The following TNNT1 variants were observed in gnomAD, a reference collection of about 807,000 sequenced individuals.
TNNT1 encodes the protein troponin T1, slow skeletal type.
TNNT1 carries 53 observed loss-of-function variants against 50.6 expected under a neutral mutation model. The observed-to-expected ratio is 1.05, with a 90% CI of 0.84 to 1.32. The LOEUF is 1.32. TNNT1 is among the 40% of genes most tolerant of loss of function. The pLI is 0.00. For missense variants in TNNT1, 348 were observed against 381.7 expected (o/e 0.91, Z 0.74); for synonymous variants, 142 against 138.0 (o/e 1.03, Z -0.20).
chr19:55,149,138 C>T (rs184146270), intron 1 of TNNT1, 23 bp downstream of exon 1: 2 of 456,180 alleles, frequency 4.4e-6, no homozygotes, highest in Non-Finnish European at 8.8e-6. Context: ...TTGAAGACCA[C>T]AGGGCTCCGC....
chr19:55,134,150 T>C lies in TNNT1; in HGVS notation c.666A>G (p.Lys222=). 6.2e-7 allele frequency: 1 copy of C among 1,605,514 alleles called. No individual in the cohort carries two copies. The highest frequency in any genetic ancestry group is 8.5e-7 in the Non-Finnish European group (1 of 1,176,596). ...PSQPSCPARE[K]AQELSDWIHQ... Reference sequence around the variant, plus strand: ...GGATCCAGTCCGACAGCTCCTGGGCTTTCTCCCTGGCAGGGCAGGAGGGCT... The same window carrying C: ...GGATCCAGTCCGACAGCTCCTGGGCCTTCTCCCTGGCAGGGCAGGAGGGCT... Residue 222 remains lysine, a synonymous_variant, in exon 12 of 14, where the codon AAA becomes AAG. Transcript: ENST00000588981.
chr19:55,136,205 T>C (rs1042859476), intron 11 of TNNT1, among the ~76,000 whole-genome samples: 3 of 152,144 alleles, frequency 2.0e-5, no homozygotes, highest in African/African-American at 4.8e-5. Context: ...AGGATAATAA[T>C]AGTATCTACC....
chr19:55,142,044 C>A (rs1350344594), intron 6 of TNNT1, 124 bp from the exon 7 acceptor site: 5 of 882,058 alleles, frequency 5.7e-6, no homozygotes, highest in Admixed American at 1.8e-5. Flanking sequence ...GTGGAGGGTC[C>A]CAGCTGAGGC....
At position 55,141,160 on chromosome 19, in the gene TNNT1, G is replaced by C. The variant is rs112398263; in HGVS notation, c.309+26C>G. ...GGATCCACATGGAGGGAGGAAGACC[G>C]GGGGGAACCCGGACTCTCGGCTCAC... On this transcript the variant is annotated intron_variant, in intron 8 of 13. Coordinates refer to ENST00000588981, the MANE Select transcript of TNNT1 (RefSeq NM_003283.6). 7.2e-4 allele frequency: 1,148 copies of C among 1,586,126 alleles called. 7 individuals are homozygous for C. In the African/African-American group the frequency reaches 0.014, roughly 19 times the overall value.
At chr19:55,142,245 C>G (rs969946382) in intron 6 of TNNT1, among the ~76,000 whole-genome samples, 1 of 151,434 alleles carries the variant, frequency 6.6e-6, no homozygotes, top group African/African-American at 2.4e-5. Context: ...CTCAGCCTCC[C>G]GAGTAGCTGG....
At chr19:55,141,369 C>T (rs1023588352) in intron 7 of TNNT1, 67 bp from the exon 8 acceptor site, 24 of 1,177,960 alleles carry the variant, frequency 2.0e-5, no homozygotes, top group African/African-American at 3.0e-5. Flanking sequence ...CAGCACCTCC[C>T]CCATGCAGGA....
At chr19:55,142,010 G>C (rs1266392175) in intron 6 of TNNT1, 90 bp from the exon 7 acceptor site, 8 of 1,337,386 alleles carry the variant, frequency 6.0e-6, no homozygotes, top group Non-Finnish European at 8.6e-6. Flanking sequence ...TGAGGTAGCC[G>C]CCAGCCCCGG....
chr19:55,146,448 G>A lies in TNNT1; in HGVS notation c.92C>T (p.Pro31Leu), dbSNP rs916754986. The change falls in exon 5 of 14, where the codon CCG becomes CTG. Residue 31 changes from proline to leucine, a missense_variant. Physicochemically the swap from Pro to Leu is moderately conservative, Grantham distance 98. Transcript: ENST00000588981. ...GCCGCGGTTACCTGGCTCTGCCACC[G>A]GCTCCGGCTCTTCGGGGGCTGGGGA... Reference protein sequence around the residue: ...EEEEAPEEPEPVAEPEEERPK... With the variant: ...EEEEAPEEPELVAEPEEERPK... The A allele has an allele frequency of 2.2e-6, 3 of 1,359,698 alleles. No homozygotes were observed. Among genetic ancestry groups the A allele is most frequent in the African/African-American group, 1.5e-5 (1 of 66,006 alleles). The allele number at this position is 1,359,698 out of a possible 1,614,324, so 84.2% of individuals were successfully genotyped here.
intron 5 of TNNT1, among the ~76,000 whole-genome samples, chr19:55,146,034 G>C (rs1243104251): frequency 7.2e-6 from 1 of 138,444 alleles, no homozygotes; most frequent in African/African-American, 2.7e-5. Context: ...GACTCCCAGC[G>C]CTCGCCTCCT....
chr19:55,146,630 T>TCCCCCCCCCC, intron 4 of TNNT1, 51 bp downstream of exon 4: 8 of 1,025,146 alleles, frequency 7.8e-6, no homozygotes, highest in Non-Finnish European at 9.7e-6. Context: ...GGGCCCAGCG[T>TCCCCCCCCCC]CCCCGCCCCC....
chr19:55,134,437 G>T (rs2085306198), intron 11 of TNNT1, among the ~76,000 whole-genome samples: 1 of 151,770 alleles, frequency 6.6e-6, no homozygotes, highest in African/African-American at 2.4e-5. Context: ...TGTAATCCCA[G>T]CACTTTGGGA....
chr19:55,140,858 C>A (rs755623324), intron 9 of TNNT1, 25 bp downstream of exon 9: 6 of 1,606,044 alleles, frequency 3.7e-6, no homozygotes. Context: ...AACATTTGGG[C>A]TCTCAGGGCA....
intron 9 of TNNT1, among the ~76,000 whole-genome samples, chr19:55,138,498 A>C (rs1470173131): frequency 6.6e-6 from 1 of 152,134 alleles, no homozygotes; most frequent in Non-Finnish European, 1.5e-5. Context: ...GGCTGGTCTC[A>C]AACTACTGAC....
rs890470817 is a variant in TNNT1, at chr19:55,133,904, G to A, written c.774C>T (p.Ile258=). The change falls in exon 13 of 14, where the codon ATC becomes ATT. Residue 258 remains isoleucine, a synonymous_variant. Transcript: ENST00000588981. The part of the protein sequence containing the change: ...KYEINVLYNR[I]SHAQKFRKGA... ...ACACTCACAACTTCTGGGCGTGGCTGATGCGGTTGTACAGCACGTTGATCT... is the reference window on the plus strand; with the variant it reads ...ACACTCACAACTTCTGGGCGTGGCTAATGCGGTTGTACAGCACGTTGATCT... 1.2e-6 allele frequency: 2 copies of A among 1,613,886 alleles called. No individual in the cohort carries two copies. The highest frequency in any genetic ancestry group is 2.2e-5 in the East Asian group (1 of 44,868).
rs748222508 is a variant in TNNT1 at position 55,134,200 on chromosome 19, G to C, written c.616C>G (p.Arg206Gly). 2.5e-6 allele frequency: 4 copies of C among 1,571,524 alleles called. No individual in the cohort carries two copies. The highest frequency in any genetic ancestry group is 3.5e-6 in the Non-Finnish European group (4 of 1,158,292). Residue 206 changes from arginine (R) to glycine (G), a missense_variant, in exon 12 of 14, where the codon CGG becomes GGG. This residue lies in a region of TNNT1 where 253 missense variants were observed against 291.8 expected (regional missense o/e 0.87). Transcript: ENST00000588981. ...DYMGEEQLRA[R>G]SAWLPPSQPS... ...TGTGATGGAGGCAGCCAGGCAGACC[G>C]GGCCCTAGGCCCAGGGACGGAGAGG...
chr19:55,146,296 G>A, intron 5 of TNNT1, 138 bp downstream of exon 5: 1 of 521,214 alleles, frequency 1.9e-6, no homozygotes, highest in Non-Finnish European at 3.1e-6. Flanking sequence ...GCTCTCAGGG[G>A]CTTAAAGGAC....
intron 7 of TNNT1, 35 bp downstream of exon 7, chr19:55,141,822 C>A: frequency 6.2e-7 from 1 of 1,612,072 alleles, no homozygotes. Flanking sequence ...TAAAGACTAG[C>A]AACTGCGCCT....
Position 55,141,169 on chromosome 19 carries a change from C to A in TNNT1, c.309+17G>T. ...TGGAGGGAGGAAGACCGGGGGGAACCCGGACTCTCGGCTCACAATGCGCTC... is the reference window on the plus strand; with the variant it reads ...TGGAGGGAGGAAGACCGGGGGGAACACGGACTCTCGGCTCACAATGCGCTC... On this transcript the variant is annotated intron_variant, in intron 8 of 13. Coordinates refer to ENST00000588981, the MANE Select transcript of TNNT1 (RefSeq NM_003283.6). 6.2e-7 allele frequency: 1 copy of A among 1,608,012 alleles called. No individual in the cohort carries two copies. Among genetic ancestry groups the A allele is most frequent in the East Asian group, 2.2e-5 (1 of 44,844 alleles).
rs562749309 is a variant in TNNT1, at chr19:55,143,079, G to C, written c.129-1159C>G. ...TGCTACTCAGGAGGCTGAGGCAGGA[G>C]AATCGCTTGAACCCCGGAGGCAGAG... On this transcript the variant is annotated intron_variant, in intron 6 of 13. Coordinates refer to ENST00000588981, the MANE Select transcript of TNNT1 (RefSeq NM_003283.6). Among the ~76,000 whole-genome samples the C allele has an allele frequency of 7.9e-5, 12 of 151,576 alleles. No homozygotes were observed. The South Asian group carries it at 2.5e-3, about 32-fold the overall frequency.
Sources: allele counts gnomAD v4.1 joint callset (sites outside exome capture counted in the v4.1 genomes callset), GRCh38; gene constraint gnomAD v4.1.1; regional missense constraint gnomAD v4.1.1; transcripts MANE v1.5; gene names NCBI Gene and HGNC (gene_info 2026-07-23, HGNC 2026-07-21).